Variants in ERBIN observed in about 807,000 individuals in gnomAD.
ERBIN encodes densin-180-like protein.
In ERBIN, 60 loss-of-function variants were observed where a neutral mutation model predicts 158.4. The observed-to-expected ratio is 0.38, with a 90% confidence interval of 0.31 to 0.47. ERBIN has a LOEUF of 0.47. Among genes scored for constraint, ERBIN ranks in the 20% least tolerant of loss-of-function variants. The pLI is 0.99. For missense variants in ERBIN, 1,610 were observed against 1,648.0 expected (o/e 0.98, Z 0.40); for synonymous variants, 594 against 557.2 (o/e 1.07, Z -0.93).
chr5:66,023,271 C>G lies in ERBIN; in HGVS notation c.598-19C>G. The G allele has an allele frequency of 6.3e-7, 1 of 1,597,018 alleles. No individual in the cohort carries two copies. On this transcript the variant is annotated intron_variant, in intron 8 of 25. Coordinates refer to ENST00000284037, the MANE Select transcript of ERBIN (RefSeq NM_001253697.2). ...AAAATTAATTGAATTACTGCTATCC[C>G]CTACCCTAATCCCAACAGCCTGAAG... is the stretch of plus-strand genomic sequence containing the variant.
In ERBIN at chr5:66,023,351, C is replaced by G. The variant is rs1755895170; in HGVS notation, c.659C>G (p.Thr220Ser). Residue 220 changes from threonine (T) to serine (S), a missense_variant, in exon 9 of 26, where the codon ACT becomes AGT. By Grantham distance (58) the Thr-to-Ser change is moderately conservative. This residue lies in a region of ERBIN where 596 missense variants were observed against 711.9 expected (regional missense o/e 0.84). Coordinates refer to ENST00000284037, the MANE Select transcript of ERBIN (RefSeq NM_001253697.2). ...KEFWMDANRL[T>S]FIPGFIGSLK... ...TTTTGGATGGATGCTAATAGACTGA[C>G]TTTTATTCCAGGGGTATGTATATGA... is the stretch of plus-strand genomic sequence containing the variant. 6.2e-7 allele frequency: 1 copy of G among 1,610,818 alleles called. No homozygotes were observed. The highest frequency in any genetic ancestry group is 8.5e-7 in the Non-Finnish European group (1 of 1,177,702).
Position 66,080,366 on chromosome 5 carries a change from T to G in ERBIN, c.*1836T>G, listed in dbSNP as rs745805591. 8 of 152,538 alleles carry G rather than the reference T, an allele frequency of 5.2e-5. No homozygotes were observed. The highest frequency in any genetic ancestry group is 1.0e-4 in the Non-Finnish European group (7 of 67,930). The allele number at this position is 152,538 out of a possible 1,614,324, so 9.4% of individuals were successfully genotyped here. A position where few individuals can be genotyped will look rare whatever the true frequency, so the allele number is the denominator to read the frequency against. On this transcript the variant is annotated 3_prime_UTR_variant, in exon 26 of 26. Transcript: ENST00000284037. The stretch of plus-strand genomic sequence containing the variant: ...TTAACAACTCTTTGTAAATTTTAAC[T>G]CATTTTAGTTGATTTTCAGTACTAT...
In ERBIN at chr5:66,062,341, T is replaced by G. The variant is rs1760491130; in HGVS notation, c.3633+7390T>G. 2.6e-5 allele frequency among the ~76,000 whole-genome samples: 4 copies of G among 152,266 alleles called. No homozygotes were observed. In the South Asian group the frequency reaches 8.3e-4, roughly 31 times the overall value. On this transcript the variant is annotated intron_variant, in intron 21 of 25. Transcript: ENST00000284037. ...TCTTCCAGTTGATCGCATCAGTTAC[T>G]GAGGCTTGTGCATTCGTCACATAGT...
At position 66,054,417 on chromosome 5, in the gene ERBIN, TAAC is replaced by T; in HGVS notation, c.3102_3104del (p.Asn1035del). The T allele has an allele frequency of 1.9e-6, 3 of 1,614,136 alleles. No homozygotes were observed. The highest frequency in any genetic ancestry group is 2.5e-6 in the Non-Finnish European group (3 of 1,180,018). On this transcript the variant is annotated inframe_deletion, in exon 21 of 26. Coordinates refer to ENST00000284037, the MANE Select transcript of ERBIN (RefSeq NM_001253697.2). Reference sequence around the variant, plus strand: ...CTGCCAATATGAATTTCTCTAATCATAACAATGTTCGAGCTAATACTGCATACC... The same window carrying T: ...CTGCCAATATGAATTTCTCTAATCATAATGTTCGAGCTAATACTGCATACC...
At chr5:65,962,542 A>T (rs1054540183) in intron 1 of ERBIN, among the ~76,000 whole-genome samples, 1 of 152,156 alleles carries the variant, frequency 6.6e-6, no homozygotes, top group Admixed American at 6.5e-5. Flanking sequence ...AAATAATGGT[A>T]TATTTATATT....
At chr5:65,946,482 A>G (rs940375007) in intron 1 of ERBIN, among the ~76,000 whole-genome samples, 3 of 152,206 alleles carry the variant, frequency 2.0e-5, no homozygotes, top group African/African-American at 7.2e-5. Flanking sequence ...GTTCATTTTT[A>G]TTGAGTAGTA....
chr5:65,960,486 CAG>C (rs1390835387), intron 1 of ERBIN, among the ~76,000 whole-genome samples: 3 of 152,284 alleles, frequency 2.0e-5, no homozygotes, highest in African/African-American at 7.2e-5. Flanking sequence ...AACAATGAAA[CAG>C]AGCGAAAATA....
chr5:66,047,721 G>A (rs566018687), intron 18 of ERBIN, among the ~76,000 whole-genome samples: 42 of 151,906 alleles, frequency 2.8e-4, no homozygotes, highest in African/African-American at 1.0e-3. Flanking sequence ...TTTACAACAG[G>A]AATAATTTTT....
intron 8 of ERBIN, among the ~76,000 whole-genome samples, chr5:66,022,144 A>G (rs1487651402): frequency 6.6e-6 from 1 of 152,098 alleles, no homozygotes; most frequent in African/African-American, 2.4e-5. Context: ...TATTAATATT[A>G]TAAATTTCAG....
In ERBIN at chr5:65,940,875, G is replaced by A. The variant is rs537175476; in HGVS notation, c.-58+14069G>A. Among the ~76,000 whole-genome samples the A allele has an allele frequency of 4.1e-4, 62 of 152,270 alleles. 2 individuals carry two copies. In the South Asian group the frequency reaches 0.013, roughly 31 times the overall value. On this transcript the variant is annotated intron_variant, in intron 1 of 25. Coordinates refer to ENST00000284037, the MANE Select transcript of ERBIN (RefSeq NM_001253697.2). ...CAATGGCGGTTTTGTGGAATAGAAA[G>A]GGGGGAAAGGCGGGGAAAGGATTGA...
chr5:65,998,411 T>C (rs16894699), intron 4 of ERBIN, among the ~76,000 whole-genome samples: 6,086 of 151,884 alleles, frequency 0.04, 416 homozygotes, highest in African/African-American at 0.14. Context: ...TTTTAGTGGT[T>C]AGTGCCGTAC....
chr5:66,059,769 G>C (rs1054245625), intron 21 of ERBIN, among the ~76,000 whole-genome samples: 7 of 152,160 alleles, frequency 4.6e-5, no homozygotes, highest in East Asian at 1.9e-4. Context: ...TTTTGTCAAA[G>C]GCTTTTTCTG....
intron 18 of ERBIN, among the ~76,000 whole-genome samples, chr5:66,046,933 A>G (rs913008939): frequency 1.1e-4 from 16 of 151,232 alleles, no homozygotes; most frequent in African/African-American, 3.9e-4. Context: ...TAGTGGATAA[A>G]TAAAAGCTGG....
At chr5:65,938,847 G>A (rs145476580) in intron 1 of ERBIN, among the ~76,000 whole-genome samples, 287 of 152,024 alleles carry the variant, frequency 1.9e-3, no homozygotes, top group African/African-American at 6.2e-3. Flanking sequence ...CACCGCGCCC[G>A]GCCAGGACTG....
At chr5:65,955,161 T>TA (rs1746950569) in intron 1 of ERBIN, among the ~76,000 whole-genome samples, 1 of 152,164 alleles carries the variant, frequency 6.6e-6, no homozygotes, top group African/African-American at 2.4e-5. Context: ...TTCGGATTTT[T>TA]AAAAAATGCC....
At chr5:66,044,869 G>A (rs1430598365) in intron 17 of ERBIN, among the ~76,000 whole-genome samples, 1 of 151,802 alleles carries the variant, frequency 6.6e-6, no homozygotes, top group Non-Finnish European at 1.5e-5. Context: ...TTACACCGAG[G>A]ATTTGAGAAC....
intron 1 of ERBIN, among the ~76,000 whole-genome samples, chr5:65,974,424 G>T (rs1473199530): frequency 6.6e-6 from 1 of 152,236 alleles, no homozygotes; most frequent in Non-Finnish European, 1.5e-5. Context: ...TGCTGCTCCT[G>T]TATCATACTG....
At chr5:66,002,072 T>A (rs1168310322) in intron 4 of ERBIN, among the ~76,000 whole-genome samples, 2 of 152,156 alleles carry the variant, frequency 1.3e-5, no homozygotes, top group East Asian at 3.9e-4. Flanking sequence ...GCGTTTGATT[T>A]TCTGTTCCTG....
At chr5:65,956,938 C>A (rs966408364) in intron 1 of ERBIN, among the ~76,000 whole-genome samples, 2 of 152,188 alleles carry the variant, frequency 1.3e-5, no homozygotes, top group South Asian at 4.1e-4. Context: ...TGTGAGCCAC[C>A]ACACCTGGCT....
Sources: allele counts gnomAD v4.1 joint callset (sites outside exome capture counted in the v4.1 genomes callset), GRCh38; gene constraint gnomAD v4.1.1; regional missense constraint gnomAD v4.1.1; transcripts MANE v1.5; gene names NCBI Gene and HGNC (gene_info 2026-07-23, HGNC 2026-07-21).